The following MAEL variants were observed in gnomAD, a reference collection of about 807,000 sequenced individuals.
MAEL encodes protein maelstrom homolog.
MAEL carries 46 observed loss-of-function variants against 62.0 expected under a neutral mutation model. The ratio of observed to expected loss-of-function variants is 0.74; its 90% CI spans 0.59 to 0.95. The LOEUF (loss-of-function observed/expected upper bound fraction) is 0.95, where lower values mean the gene tolerates loss of function less well. Ranked by LOEUF, MAEL falls within the 40% of genes least tolerant of loss-of-function variation. The pLI, the probability that MAEL is intolerant of heterozygous loss-of-function variation, is 0.00. For synonymous variants in MAEL, 172 were observed against 175.5 expected, an observed-to-expected ratio of 0.98 and a Z score of 0.16; for missense variants, 497 against 526.8, an observed-to-expected ratio of 0.94 and a Z score of 0.55.
rs1474798526 is a variant in MAEL at position 167,021,307 on chromosome 1, C to T, written c.1117+147C>T. 4.6e-6 allele frequency: 3 copies of T among 645,234 alleles called. No homozygotes were observed. In the East Asian group the frequency reaches 8.3e-5, roughly 18 times the overall value. 40.0% of individuals were successfully genotyped at this position (645,234 alleles called of 1,614,324 possible). ...AATTGAGGGTTTTATTTGGCATTAG[C>T]ACCTTAAACAATTTAGATGTGTACA... is the stretch of plus-strand genomic sequence containing the variant. On this transcript the variant is annotated intron_variant, in intron 11 of 11. Transcript: ENST00000367872.
At chr1:166,993,489 A>G (rs1162571244) in intron 4 of MAEL, among the ~76,000 whole-genome samples, 1 of 152,174 alleles carries the variant, frequency 6.6e-6, no homozygotes, top group Non-Finnish European at 1.5e-5. Context: ...CTTCATTTTT[A>G]GTTTTGTCAA....
intron 5 of MAEL, among the ~76,000 whole-genome samples, chr1:166,994,777 C>T (rs992431127): frequency 2.7e-5 from 4 of 145,878 alleles, no homozygotes; most frequent in African/African-American, 1.0e-4. Context: ...TCAAGCAATT[C>T]TTCTGTCTCA....
At chr1:166,986,970 G>A (rs1482564335), upstream of MAEL, among the ~76,000 whole-genome samples, 4 of 151,842 alleles carry the variant, frequency 2.6e-5, no homozygotes, top group Non-Finnish European at 5.9e-5. Context: ...GTGTGTGTGT[G>A]TGTGTGTGTG....
intron 3 of MAEL, among the ~76,000 whole-genome samples, chr1:166,991,707 A>G (rs1168306631): frequency 1.3e-5 from 2 of 152,080 alleles, no homozygotes; most frequent in Admixed American, 1.3e-4. Flanking sequence ...ACCACTTTAT[A>G]TGTTGTTAAA....
intron 2 of MAEL, 63 bp downstream of exon 2, chr1:166,989,892 GATGAGTGA>G (rs1557971884): frequency 5.3e-6 from 7 of 1,315,958 alleles, no homozygotes; most frequent in Middle Eastern, 1.9e-4. Context: ...GTAAAGGCTG[GATGAGTGA>G]ATGAGTGAAT....
chr1:166,992,721 T>C lies in MAEL; in HGVS notation c.361T>C (p.Phe121Leu). 1 of 1,603,054 alleles carries C rather than the reference T, an allele frequency of 6.2e-7. No individual in the cohort carries two copies. Among genetic ancestry groups the C allele is most frequent in the Non-Finnish European group, 8.5e-7 (1 of 1,176,780 alleles). ...LGGIFYFLNI[F>L]SHGELPPHCE... ...AGGCATTTTTTATTTTTTGAACATT[T>C]TTAGCCATGGCGAGCTACCTCCTCA... The change falls in exon 4 of 12, where the codon TTT becomes CTT. Residue 121 changes from phenylalanine to leucine, a missense_variant. Transcript: ENST00000367872.
At chr1:166,976,130 G>T (rs1480391601) in intron 1 of MAEL, among the ~76,000 whole-genome samples, 1 of 152,160 alleles carries the variant, frequency 6.6e-6, no homozygotes, top group African/African-American at 2.4e-5. Flanking sequence ...AAGGGCATCC[G>T]GCCCTTTAAC....
intron 7 of MAEL, 57 bp from the exon 8 acceptor site, chr1:167,005,199 A>G: frequency 6.2e-7 from 1 of 1,609,840 alleles, no homozygotes; most frequent in Non-Finnish European, 8.5e-7. Context: ...CCACTTTGAT[A>G]TCTTCCAGGT....
At chr1:166,982,632 C>T (rs6688613) in intron 1 of MAEL, among the ~76,000 whole-genome samples, 39,736 of 151,852 alleles carry the variant, frequency 0.26, 5,570 homozygotes, top group African/African-American at 0.37. Flanking sequence ...TAACACGTAC[C>T]TGGTTGAAAA....
intron 1 of MAEL, among the ~76,000 whole-genome samples, chr1:166,979,182 A>G (rs546488438): frequency 3.3e-5 from 5 of 152,330 alleles, no homozygotes; most frequent in Non-Finnish European, 7.3e-5. Flanking sequence ...ATAAAATCAT[A>G]TTTCTACTTC....
chr1:166,996,397 A>C (rs1664428053), intron 5 of MAEL, among the ~76,000 whole-genome samples: 1 of 152,210 alleles, frequency 6.6e-6, no homozygotes, highest in South Asian at 2.1e-4. Context: ...TCTCCAATTT[A>C]CTGGTTAATG....
chr1:167,004,379 G>T (rs1664801770), intron 6 of MAEL, 75 bp downstream of exon 6: 2 of 1,409,870 alleles, frequency 1.4e-6, no homozygotes, highest in Admixed American at 5.0e-5. Context: ...AAGAATTTTT[G>T]CCTGTGTATT....
At chr1:166,988,460 C>T (rs1174988848), upstream of MAEL, among the ~76,000 whole-genome samples, 3 of 149,956 alleles carry the variant, frequency 2.0e-5, no homozygotes, top group African/African-American at 7.4e-5. Flanking sequence ...AAAACATATA[C>T]ATACCCCATA....
chr1:167,021,216 A>G, intron 11 of MAEL, 56 bp downstream of exon 11: 1 of 1,200,774 alleles, frequency 8.3e-7, no homozygotes, highest in South Asian at 1.2e-5. Flanking sequence ...GCCTATTACT[A>G]AGATCCCAGG....
intron 1 of MAEL, 54 bp from the exon 2 acceptor site, chr1:166,989,683 G>T: frequency 6.4e-7 from 1 of 1,568,724 alleles, no homozygotes; most frequent in South Asian, 1.2e-5. Flanking sequence ...GCGGGCCCTA[G>T]AGCACGGGAT....
chr1:167,011,715 C>A (rs1026481249), intron 8 of MAEL, among the ~76,000 whole-genome samples: 1 of 152,134 alleles, frequency 6.6e-6, no homozygotes, highest in African/African-American at 2.4e-5. Flanking sequence ...TGAAGGATTG[C>A]AAATGTCTGG....
chr1:166,979,075 T>A (rs1663681626), intron 1 of MAEL, among the ~76,000 whole-genome samples: 1 of 152,164 alleles, frequency 6.6e-6, no homozygotes, highest in Non-Finnish European at 1.5e-5. Flanking sequence ...ATAAATATAA[T>A]GTAGCTGAAT....
chr1:167,013,410 C>A (rs1242137139), intron 8 of MAEL, among the ~76,000 whole-genome samples: 2 of 152,146 alleles, frequency 1.3e-5, no homozygotes, highest in African/African-American at 4.8e-5. Context: ...GTAAGTGTTC[C>A]TATGTTATAC....
intron 1 of MAEL, among the ~76,000 whole-genome samples, chr1:166,981,243 C>A (rs1663750713): frequency 6.6e-6 from 1 of 152,216 alleles, no homozygotes; most frequent in South Asian, 2.1e-4. Flanking sequence ...GTGCCTTTTA[C>A]ATAGAGATGA....
Sources: gnomAD v4.1 joint callset for allele counts (sites outside exome capture counted in the v4.1 genomes callset) on GRCh38, gnomAD v4.1.1 for gene constraint, MANE v1.5 for transcripts, NCBI Gene and HGNC (gene_info 2026-07-23, HGNC 2026-07-21) for gene names.